The following PATJ variants were observed in gnomAD, a reference collection of about 807,000 sequenced individuals.
PATJ encodes the protein inaD-like protein.
In PATJ, 190 loss-of-function variants were observed where a neutral mutation model predicts 224.9. The ratio of observed to expected loss-of-function variants is 0.84; its 90% CI spans 0.75 to 0.95. The LOEUF (loss-of-function observed/expected upper bound fraction) is 0.95, where lower values mean the gene tolerates loss of function less well. Among genes scored for constraint, PATJ ranks in the 40% least tolerant of loss-of-function variants. PATJ has a pLI of 0.00. For missense variants in PATJ, 2,121 were observed against 2,270.3 expected, an observed-to-expected ratio of 0.93 and a Z score of 1.34; for synonymous variants, 769 against 820.3, an observed-to-expected ratio of 0.94 and a Z score of 1.07.
At chr1:62,084,690 A>G in intron 33 of PATJ, 42 bp downstream of exon 33, 1 of 1,600,028 alleles carries the variant, frequency 6.2e-7, no homozygotes, top group Non-Finnish European at 8.5e-7. Context: ...TCATAGAACT[A>G]GTTGTTGAGG....
intron 1 of PATJ, among the ~76,000 whole-genome samples, chr1:61,756,973 C>G (rs1349367510): frequency 1.3e-5 from 2 of 152,038 alleles, no homozygotes; most frequent in East Asian, 3.9e-4. Context: ...TCTCTTAGCA[C>G]GTGGTACATA....
chr1:62,102,859 CAAAAAAA>C (rs1162014751), intron 33 of PATJ, among the ~76,000 whole-genome samples: 40 of 47,028 alleles, frequency 8.5e-4, no homozygotes, highest in South Asian at 3.8e-3. Context: ...TACCCTGTCT[CAAAAAAA>C]AAAAAAAAAA....
At chr1:62,045,525 C>T (rs922737404) in intron 30 of PATJ, among the ~76,000 whole-genome samples, 3 of 152,126 alleles carry the variant, frequency 2.0e-5, no homozygotes, top group South Asian at 2.1e-4. Context: ...GCAAACCTTA[C>T]AAGTCTTGCC....
At chr1:61,767,729 T>C (rs555030070) in intron 4 of PATJ, among the ~76,000 whole-genome samples, 97 of 148,284 alleles carry the variant, frequency 6.5e-4, no homozygotes, top group Non-Finnish European at 1.1e-3. Flanking sequence ...CAGGCTGGAG[T>C]GCAGTGGCCC....
intron 41 of PATJ, among the ~76,000 whole-genome samples, chr1:62,139,923 C>CTAAT (rs1558225408): frequency 6.6e-6 from 1 of 151,982 alleles, no homozygotes; most frequent in Non-Finnish European, 1.5e-5. Flanking sequence ...CCACGCCCAG[C>CTAAT]TAATTTTTGT....
chr1:61,761,987 C>T (rs1185060487), intron 1 of PATJ, among the ~76,000 whole-genome samples: 1 of 152,072 alleles, frequency 6.6e-6, no homozygotes, highest in East Asian at 1.9e-4. Flanking sequence ...TGCGCCCGGC[C>T]ACTCTGTCTT....
intron 6 of PATJ, among the ~76,000 whole-genome samples, chr1:61,774,428 T>G (rs185665001): frequency 1.3e-5 from 2 of 152,354 alleles, no homozygotes; most frequent in African/African-American, 2.4e-5. Context: ...GAAACACTTA[T>G]GTCTTTTAGT....
chr1:61,950,253 T>A (rs1421418467), intron 27 of PATJ, among the ~76,000 whole-genome samples: 1 of 152,158 alleles, frequency 6.6e-6, no homozygotes, highest in African/African-American at 2.4e-5. Context: ...CAGCAACGTA[T>A]TTTTTTGACA....
At position 61,766,479 on chromosome 1, in the gene PATJ, G is replaced by A; in HGVS notation, c.384+6G>A. The stretch of plus-strand genomic sequence containing the variant: ...TCATTCAACAGATGGCTCAGGTAAA[G>A]TTGTATCTTCTCATGGAAATATTTA... On this transcript the variant is annotated splice_donor_region_variant and intron_variant, in intron 4 of 43. Transcript: ENST00000642238. 1 of 1,571,866 alleles carries A rather than the reference G, an allele frequency of 6.4e-7. No homozygotes were observed. The highest frequency in any genetic ancestry group is 8.6e-7 in the Non-Finnish European group (1 of 1,159,448).
At chr1:61,806,506 C>G (rs973105047) in intron 13 of PATJ, among the ~76,000 whole-genome samples, 2 of 151,786 alleles carry the variant, frequency 1.3e-5, no homozygotes, top group African/African-American at 4.8e-5. Flanking sequence ...GTAATCCCAG[C>G]TACTCGGGAG....
chr1:61,953,430 A>G (rs1418898366), intron 27 of PATJ, among the ~76,000 whole-genome samples: 2 of 152,232 alleles, frequency 1.3e-5, no homozygotes, highest in Admixed American at 1.3e-4. Context: ...TGTCAAAACT[A>G]TTGAGCAAGA....
At chr1:61,753,312 T>G (rs1286701) in intron 1 of PATJ, among the ~76,000 whole-genome samples, 149,336 of 152,200 alleles carry the variant, frequency 0.98, 73,334 homozygotes, top group Middle Eastern at 1. Context: ...ATTGTGACCT[T>G]CCCAATTCAC....
intron 33 of PATJ, among the ~76,000 whole-genome samples, chr1:62,096,600 A>G (rs2148816407): frequency 6.6e-6 from 1 of 152,268 alleles, no homozygotes; most frequent in South Asian, 2.1e-4. Context: ...AATGAAAAAA[A>G]TGGACAAGAC....
chr1:61,854,945 G>C (rs1663410217), intron 17 of PATJ, among the ~76,000 whole-genome samples: 1 of 152,152 alleles, frequency 6.6e-6, no homozygotes, highest in African/African-American at 2.4e-5. Context: ...ATATTTAAGT[G>C]TGTATTGGAA....
chr1:62,053,508 T>G (rs1187516689), intron 31 of PATJ, among the ~76,000 whole-genome samples: 1 of 151,928 alleles, frequency 6.6e-6, no homozygotes, highest in East Asian at 1.9e-4. Context: ...TCACCTGAGG[T>G]TGGGAGTTCA....
intron 26 of PATJ, among the ~76,000 whole-genome samples, chr1:61,920,702 CTTT>C (rs71582652): frequency 8.9e-5 from 8 of 89,498 alleles, no homozygotes; most frequent in Admixed American, 1.5e-4. Context: ...GTATGGAATT[CTTT>C]TTTTTTTTTT....
chr1:61,931,625 A>G (rs991229055), intron 27 of PATJ, among the ~76,000 whole-genome samples: 1 of 152,168 alleles, frequency 6.6e-6, no homozygotes, highest in Non-Finnish European at 1.5e-5. Context: ...TTAACTGGGT[A>G]TGGTGGTGAA....
intron 5 of PATJ, among the ~76,000 whole-genome samples, chr1:61,771,178 TTTTG>T (rs1646585029): frequency 6.6e-6 from 1 of 152,014 alleles, no homozygotes; most frequent in Non-Finnish European, 1.5e-5. Flanking sequence ...TATAGATTGT[TTTTG>T]TTTATTTTTC....
intron 41 of PATJ, among the ~76,000 whole-genome samples, chr1:62,142,816 G>A (rs1667635273): frequency 6.6e-6 from 1 of 152,178 alleles, no homozygotes; most frequent in Admixed American, 6.5e-5. Context: ...AATGTGGGGT[G>A]GAGTCGAGAG....
Sources: allele counts gnomAD v4.1 joint callset (sites outside exome capture counted in the v4.1 genomes callset), GRCh38; gene constraint gnomAD v4.1.1; transcripts MANE v1.5; gene names NCBI Gene and HGNC (gene_info 2026-07-23, HGNC 2026-07-21).